Variants in CYP24A1 observed in about 807,000 individuals in gnomAD.
CYP24A1 encodes cytochrome P450 family 24 subfamily A member 1.
CYP24A1 carries 68 observed loss-of-function variants against 62.4 expected under a neutral mutation model. The ratio of observed to expected loss-of-function variants is 1.09; its 90% CI spans 0.90 to 1.33. CYP24A1 has a LOEUF of 1.33. CYP24A1 is among the 40% of genes most tolerant of loss of function. The pLI is 0.00. For synonymous variants in CYP24A1, 267 were observed against 253.0 expected, an observed-to-expected ratio of 1.06 and a Z score of -0.52; for missense variants, 787 against 653.0, an observed-to-expected ratio of 1.21 and a Z score of -2.24.
rs114916831 is a variant in CYP24A1 at position 54,170,632 on chromosome 20, A to C, written c.544-944T>G. ...TACTAGTTTAAAAATGTAAATAATAATTATGAGACTTGGTGACATGAGGTC... is the reference window on the plus strand; with the variant it reads ...TACTAGTTTAAAAATGTAAATAATACTTATGAGACTTGGTGACATGAGGTC... On this transcript the variant is annotated intron_variant, in intron 3 of 11. Coordinates refer to ENST00000216862, the MANE Select transcript of CYP24A1 (RefSeq NM_000782.5). Among the ~76,000 whole-genome samples the C allele has an allele frequency of 7.8e-3, 1,187 of 152,316 alleles. 20 individuals are homozygous for C. The highest frequency in any genetic ancestry group is 0.027 in the African/African-American group (1,135 of 41,570).
chr20:54,155,899 T>C lies in CYP24A1; in HGVS notation c.*11-1138A>G, dbSNP rs140076857. 8.1e-3 allele frequency among the ~76,000 whole-genome samples: 1,132 copies of C among 139,240 alleles called. 5 individuals are homozygous for C. Among genetic ancestry groups the C allele is most frequent in the Non-Finnish European group, 0.013 (851 of 66,478 alleles). 91.3% of individuals were successfully genotyped at this position (139,240 alleles called of 152,430 possible). On this transcript the variant is annotated intron_variant, in intron 11 of 11. Coordinates refer to ENST00000216862, the MANE Select transcript of CYP24A1 (RefSeq NM_000782.5). The stretch of plus-strand genomic sequence containing the variant: ...TACTCAGGACGAGGCCAACATATGC[T>C]ATTTGGCTTATGTTATTTAAAGGAA...
At chr20:54,166,830 G>A (rs1175820001) in intron 4 of CYP24A1, among the ~76,000 whole-genome samples, 1 of 151,982 alleles carries the variant, frequency 6.6e-6, no homozygotes. Context: ...CCAGGAGTTC[G>A]AGAATAGCCT....
At chr20:54,150,571 C>T (rs1337352866), downstream of CYP24A1, among the ~76,000 whole-genome samples, 3 of 152,242 alleles carry the variant, frequency 2.0e-5, no homozygotes, top group Middle Eastern at 3.4e-3. Flanking sequence ...GGTGATCCAT[C>T]GGCCTCGGCC....
chr20:54,173,516 T>A lies in CYP24A1; in HGVS notation c.64A>T (p.Arg22Trp), dbSNP rs2092702738. 6.4e-7 allele frequency: 1 copy of A among 1,570,510 alleles called. No individual in the cohort carries two copies. Among genetic ancestry groups the A allele is most frequent in the East Asian group, 2.3e-5 (1 of 42,810 alleles). The change falls in exon 1 of 12, where the codon AGG (arginine) becomes TGG (tryptophan). Residue 22 changes from arginine to tryptophan, a missense_variant. Transcript: ENST00000216862. The surrounding 1 kb of genome is among the most constrained non-coding windows in gnomAD (Gnocchi z 7.2). ...GATGTCACCAGTCTCGGGGGCTGCC[T>A]CGGACTGCGCAGCTGCTGCAGGAAG... is the stretch of plus-strand genomic sequence containing the variant. Reference protein sequence around the residue: ...AAFLQQLRSPRQPPRLVTSTA... With the variant: ...AAFLQQLRSPWQPPRLVTSTA...
At chr20:54,172,210 C>G (rs1228849584) in intron 2 of CYP24A1, among the ~76,000 whole-genome samples, 1 of 152,088 alleles carries the variant, frequency 6.6e-6, no homozygotes, top group Non-Finnish European at 1.5e-5. Flanking sequence ...GGCACCTGCC[C>G]CATAGCAGAC....
chr20:54,172,927 C>A lies in CYP24A1; in HGVS notation c.431G>T (p.Gly144Val). The A allele has an allele frequency of 6.2e-7, 1 of 1,613,884 alleles. No homozygotes were observed. The highest frequency in any genetic ancestry group is 8.5e-7 in the Non-Finnish European group (1 of 1,180,040). Residue 144 changes from glycine to valine, a missense_variant, in exon 2 of 12, where the codon GGC (glycine) becomes GTC (valine). Physicochemically the swap from Gly to Val is moderately radical, Grantham distance 109. Coordinates refer to ENST00000216862, the MANE Select transcript of CYP24A1 (RefSeq NM_000782.5). The part of the protein sequence containing the change: ...WKAYRDYRKE[G>V]YGLLILEGED... ...GACTCACAGGATCAGCAGCCCGTAG[C>A]CTTCTTTGCGGTAGTCGCGATAGGC...
At chr20:54,148,497 A>G (rs1450857113), downstream of CYP24A1, among the ~76,000 whole-genome samples, 2 of 151,980 alleles carry the variant, frequency 1.3e-5, no homozygotes, top group African/African-American at 2.4e-5. Context: ...CGATTTCTAA[A>G]TGTTCTTTTC....
chr20:54,158,682 C>A (rs965649238), intron 8 of CYP24A1, among the ~76,000 whole-genome samples: 5 of 152,164 alleles, frequency 3.3e-5, no homozygotes, highest in Non-Finnish European at 5.9e-5. Flanking sequence ...TTCAATCATG[C>A]CCCTATCTTA....
At chr20:54,168,684 CTT>C (rs2092681015) in intron 4 of CYP24A1, among the ~76,000 whole-genome samples, 1 of 152,078 alleles carries the variant, frequency 6.6e-6, no homozygotes, top group African/African-American at 2.4e-5. Context: ...CTCTCTCTCT[CTT>C]TTCTTCTTTA....
At chr20:54,146,582 G>A in the CYP24A1 span, among the ~76,000 whole-genome samples, 1 of 152,178 alleles carries the variant, frequency 6.6e-6, no homozygotes, top group Admixed American at 6.5e-5. Flanking sequence ...TCTTTTTCAA[G>A]TATGTCATCA....
Position 54,173,717 on chromosome 20 carries a change from G to A in CYP24A1, c.-138C>T, listed in dbSNP as rs1601152945. ...GGGCCAGCTGGTGTGATGGAGCGGGGTGAGGCGGGACAGGCAGCAGAAAGG... is the reference window on the plus strand; with the variant it reads ...GGGCCAGCTGGTGTGATGGAGCGGGATGAGGCGGGACAGGCAGCAGAAAGG... On this transcript the variant is annotated 5_prime_UTR_variant, in exon 1 of 12. Coordinates refer to ENST00000216862, the MANE Select transcript of CYP24A1 (RefSeq NM_000782.5). This position sits in a 1 kb window ranked among gnomAD's most constrained non-coding sequence, Gnocchi z 7.2. 3 of 641,892 alleles carry A rather than the reference G, an allele frequency of 4.7e-6. No individual in the cohort carries two copies. Among genetic ancestry groups the A allele is most frequent in the South Asian group, 1.8e-5 (1 of 54,236 alleles). The allele number at this position is 641,892 out of a possible 1,614,324, so 39.8% of individuals were successfully genotyped here.
intron 7 of CYP24A1, among the ~76,000 whole-genome samples, chr20:54,160,581 G>A (rs2092646744): frequency 6.6e-6 from 1 of 152,202 alleles, no homozygotes; most frequent in Non-Finnish European, 1.5e-5. Context: ...GGCAGCCTCG[G>A]CTGCAAATAA....
intron 4 of CYP24A1, among the ~76,000 whole-genome samples, chr20:54,168,692 C>CTTTATTTCT (rs1013276838): frequency 2.6e-5 from 4 of 151,908 alleles, no homozygotes; most frequent in Non-Finnish European, 4.4e-5. Context: ...CTCTTTTCTT[C>CTTTATTTCT]TTTATTTCTT....
intron 4 of CYP24A1, 39 bp downstream of exon 4, chr20:54,169,553 C>A (rs2092686493): frequency 3.7e-6 from 6 of 1,613,742 alleles, no homozygotes; most frequent in Non-Finnish European, 4.2e-6. Context: ...CGCAAAATCA[C>A]CTGCAAAATC....
chr20:54,165,187 C>T lies in CYP24A1; in HGVS notation c.732+555G>A, dbSNP rs141222584. Among the ~76,000 whole-genome samples the T allele has an allele frequency of 1.9e-4, 29 of 152,366 alleles. No homozygotes were observed. The East Asian group carries it at 4.0e-3, about 21-fold the overall frequency. ...GGGCCGCGCAGCAGGAGGTGATCAGCGGGCCAGCAGGTGTTACCACCTGAG... is the reference window on the plus strand; with the variant it reads ...GGGCCGCGCAGCAGGAGGTGATCAGTGGGCCAGCAGGTGTTACCACCTGAG... On this transcript the variant is annotated intron_variant, in intron 5 of 11. Coordinates refer to ENST00000216862, the MANE Select transcript of CYP24A1 (RefSeq NM_000782.5).
In CYP24A1 at chr20:54,173,100, C is replaced by G. The variant is rs1302928728; in HGVS notation, c.259-1G>C. ...TGCCATACTTCTTGTGGTACTCCAC[C>G]TGCAGCCGGCCGGGCACAGCGCGGT... On this transcript the variant is annotated splice_acceptor_variant, in intron 1 of 11. Coordinates refer to ENST00000216862, the MANE Select transcript of CYP24A1 (RefSeq NM_000782.5). LOFTEE classifies it high-confidence loss of function. The surrounding 1 kb of genome is among the most constrained non-coding windows in gnomAD (Gnocchi z 7.2). 1 of 1,602,260 alleles carries G rather than the reference C, an allele frequency of 6.2e-7. No individual in the cohort carries two copies. The highest frequency in any genetic ancestry group is 8.5e-7 in the Non-Finnish European group (1 of 1,179,926).
chr20:54,171,768 C>A (rs1184752179), intron 2 of CYP24A1, 98 bp from the exon 3 acceptor site: 1 of 1,606,680 alleles, frequency 6.2e-7, no homozygotes, highest in Non-Finnish European at 8.5e-7. Context: ...TAAAATCAAA[C>A]AAACACTGAG....
the CYP24A1 span, among the ~76,000 whole-genome samples, chr20:54,148,375 C>CAG: frequency 4.1e-4 from 58 of 141,998 alleles, no homozygotes; most frequent in African/African-American, 1.6e-3. Context: ...CACAGACACA[C>CAG]ACACACACAC....
rs116550596 is a variant in CYP24A1 at position 54,160,668 on chromosome 20, C to T, written c.991-1545G>A. Among the ~76,000 whole-genome samples the T allele has an allele frequency of 2.4e-3, 373 of 152,302 alleles. 1 individual carries two copies. Among genetic ancestry groups the T allele is most frequent in the African/African-American group, 8.7e-3 (362 of 41,572 alleles). Reference sequence around the variant, plus strand: ...GTAGCCATCAAATTAGATACACTTTCAAATGGTTCTGATTTTCCAAATGTG... The same window carrying T: ...GTAGCCATCAAATTAGATACACTTTTAAATGGTTCTGATTTTCCAAATGTG... On this transcript the variant is annotated intron_variant, in intron 7 of 11. Transcript: ENST00000216862.
Sources: allele counts gnomAD v4.1 joint callset (sites outside exome capture counted in the v4.1 genomes callset), GRCh38; gene constraint gnomAD v4.1.1; non-coding constraint Gnocchi (gnomAD v3.1); transcripts MANE v1.5; gene names NCBI Gene and HGNC (gene_info 2026-07-23, HGNC 2026-07-21).